SHANK2: variants seen among roughly 807,000 people sequenced by gnomAD.
SHANK2 encodes the protein SH3 and multiple ankyrin repeat domains 2.
SHANK2 carries 43 observed loss-of-function variants against 133.7 expected under a neutral mutation model. That is an observed-to-expected ratio of 0.32 (90% CI 0.25 to 0.41). The LOEUF is 0.41. Among genes scored for constraint, SHANK2 ranks in the 10% least tolerant of loss-of-function variants. SHANK2 has a pLI of 1.00. For synonymous variants in SHANK2, 1,017 were observed against 952.8 expected (o/e 1.07, Z -1.24); for missense variants, 1,994 against 2,235.8 (o/e 0.89, Z 2.18).
intron 14 of SHANK2, among the ~76,000 whole-genome samples, chr11:70,726,839 GTGCTTC>G (rs1180617867): frequency 3.3e-5 from 5 of 152,194 alleles, no homozygotes; most frequent in African/African-American, 1.2e-4. Flanking sequence ...AAGGCCTCAT[GTGCTTC>G]TGCTCACCCC....
chr11:70,581,886 C>G (rs575313961), intron 17 of SHANK2, among the ~76,000 whole-genome samples: 1 of 152,324 alleles, frequency 6.6e-6, no homozygotes, highest in African/African-American at 2.4e-5. Context: ...TCTCTTTGGA[C>G]TATGATTTAA....
At chr11:70,571,596 G>A (rs2060046252) in intron 17 of SHANK2, among the ~76,000 whole-genome samples, 1 of 152,210 alleles carries the variant, frequency 6.6e-6, no homozygotes, top group African/African-American at 2.4e-5. Context: ...CAGTGGCCTT[G>A]GGTCTAGGGA....
chr11:70,845,749 T>C (rs552216546), intron 11 of SHANK2, among the ~76,000 whole-genome samples: 19 of 152,224 alleles, frequency 1.2e-4, no homozygotes, highest in African/African-American at 4.1e-4. Context: ...TTTCCCATAA[T>C]TACATAGAGA....
rs532381199 is a variant in SHANK2, at chr11:70,485,687, C to T, written c.4606G>A (p.Gly1536Arg). The T allele has an allele frequency of 1.2e-6, 2 of 1,614,064 alleles. No homozygotes were observed. The highest frequency in any genetic ancestry group is 1.3e-5 in the African/African-American group (1 of 75,044). The change falls in exon 25 of 26, where the codon GGG (glycine) becomes AGG (arginine). Residue 1536 changes from glycine to arginine, a missense_variant. Physicochemically the swap from Gly to Arg is moderately radical, Grantham distance 125. Transcript: ENST00000601538. This position sits in a 1 kb window ranked among gnomAD's most constrained non-coding sequence, Gnocchi z 5.8. The part of the protein sequence containing the change: ...NVDTCTVYAD[G>R]QAFMVDKPPV... ...GGTTTGTCAACCATAAATGCTTGCC[C>T]ATCTGCATAGACTGTGCAGGTGTCC...
intron 17 of SHANK2, among the ~76,000 whole-genome samples, chr11:70,643,093 A>G (rs1261141683): frequency 6.6e-6 from 1 of 152,132 alleles, no homozygotes; most frequent in Admixed American, 6.5e-5. Flanking sequence ...CAAATAGCTG[A>G]GCCCCCTGTG....
intron 11 of SHANK2, among the ~76,000 whole-genome samples, chr11:70,835,298 C>G (rs548750480): frequency 2.0e-5 from 3 of 152,310 alleles, no homozygotes; most frequent in African/African-American, 7.2e-5. Context: ...CTGTGGATAC[C>G]TGGGCCTCCC....
chr11:70,753,271 C>A (rs1428020660), intron 14 of SHANK2, among the ~76,000 whole-genome samples: 1 of 149,570 alleles, frequency 6.7e-6, no homozygotes, highest in Non-Finnish European at 1.5e-5. Context: ...CAGCAATCAA[C>A]AACAGAGGAC....
intron 20 of SHANK2, 105 bp downstream of exon 20, chr11:70,501,818 G>A (rs1443894495): frequency 8.4e-7 from 1 of 1,188,760 alleles, no homozygotes; most frequent in Admixed American, 2.1e-5. Context: ...AGCCACGTGG[G>A]GAGCAGCTCA....
chr11:71,229,765 G>GAAAAAAAAAAAAA (rs55730780), intron 1 of SHANK2, among the ~76,000 whole-genome samples: 4 of 116,534 alleles, frequency 3.4e-5, no homozygotes, highest in Admixed American at 9.3e-5. Flanking sequence ...TCTCAAAAAA[G>GAAAAAAAAAAAAA]AAAAAAAAAA....
At chr11:70,495,386 C>A (rs2058954791) in intron 21 of SHANK2, among the ~76,000 whole-genome samples, 1 of 152,246 alleles carries the variant, frequency 6.6e-6, no homozygotes, top group Non-Finnish European at 1.5e-5. Context: ...GGCTTCTCCC[C>A]CTTGACTTGG....
chr11:70,844,491 T>C (rs6592814), intron 11 of SHANK2, among the ~76,000 whole-genome samples: 127,733 of 152,158 alleles, frequency 0.84, 54,213 homozygotes, highest in African/African-American at 0.95. Context: ...CCATGGGGTT[T>C]GGGGCCGCAG....
At chr11:70,782,117 T>G (rs1215509577) in intron 14 of SHANK2, among the ~76,000 whole-genome samples, 1 of 152,180 alleles carries the variant, frequency 6.6e-6, no homozygotes, top group African/African-American at 2.4e-5. Flanking sequence ...CAGGCTGGAG[T>G]GCAGTGGTGT....
At chr11:70,953,375 A>C (rs894675585) in intron 10 of SHANK2, among the ~76,000 whole-genome samples, 1 of 152,032 alleles carries the variant, frequency 6.6e-6, no homozygotes, top group Admixed American at 6.6e-5. Context: ...ACAACAAGCC[A>C]TCTATAAGCT....
intron 15 of SHANK2, among the ~76,000 whole-genome samples, chr11:70,662,492 AAGGT>A (rs1555013767): frequency 6.6e-6 from 1 of 152,002 alleles, no homozygotes. Context: ...GCAGCCTTGG[AAGGT>A]GGCCGGTGGC....
chr11:70,901,267 TTA>T (rs1950018771), intron 10 of SHANK2, among the ~76,000 whole-genome samples: 1 of 152,144 alleles, frequency 6.6e-6, no homozygotes, highest in African/African-American at 2.4e-5. Flanking sequence ...TGGCATTTTT[TTA>T]AAAAGTTATG....
chr11:70,702,307 TCAC>T (rs1945546896), intron 14 of SHANK2, among the ~76,000 whole-genome samples: 1 of 149,058 alleles, frequency 6.7e-6, no homozygotes, highest in Non-Finnish European at 1.5e-5. Context: ...TTCACCATCA[TCAC>T]AATCACCATC....
At chr11:70,801,829 C>T (rs1025316607) in intron 13 of SHANK2, among the ~76,000 whole-genome samples, 2 of 152,154 alleles carry the variant, frequency 1.3e-5, no homozygotes, top group South Asian at 2.1e-4. Flanking sequence ...ATTCTGGAGT[C>T]TGGAGTCCTG....
At chr11:70,523,512 G>A (rs1486910430) in intron 17 of SHANK2, among the ~76,000 whole-genome samples, 1 of 152,180 alleles carries the variant, frequency 6.6e-6, no homozygotes, top group Non-Finnish European at 1.5e-5. Context: ...TGGAAGGGGG[G>A]ATGCAGAGGC....
At chr11:70,695,356 G>A (rs1256768671) in intron 15 of SHANK2, among the ~76,000 whole-genome samples, 1 of 151,578 alleles carries the variant, frequency 6.6e-6, no homozygotes, top group African/African-American at 2.4e-5. Flanking sequence ...AAAATGGGGG[G>A]GTGGGGAAAG....
Sources: allele counts gnomAD v4.1 joint callset (sites outside exome capture counted in the v4.1 genomes callset), GRCh38; gene constraint gnomAD v4.1.1; non-coding constraint Gnocchi (gnomAD v3.1); transcripts MANE v1.5; gene names NCBI Gene and HGNC (gene_info 2026-07-23, HGNC 2026-07-21).